TBCD: variants seen among roughly 807,000 people sequenced by gnomAD.
TBCD encodes tubulin-specific chaperone D.
In TBCD, 105 loss-of-function variants were observed where a neutral mutation model predicts 169.3. The observed-to-expected ratio is 0.62, with a 90% CI of 0.53 to 0.73. The LOEUF (loss-of-function observed/expected upper bound fraction) is 0.73, where lower values mean the gene tolerates loss of function less well. Ranked by LOEUF, TBCD falls within the 30% of genes least tolerant of loss-of-function variation. The pLI is 0.00. For missense variants in TBCD, 1,444 were observed against 1,600.1 expected (o/e 0.90, Z 1.66); for synonymous variants, 700 against 643.9 (o/e 1.09, Z -1.32).
At chr17:82,768,359 T>C (rs376930647) in intron 4 of TBCD, 61 bp from the exon 5 acceptor site, 1 of 1,600,324 alleles carries the variant, frequency 6.2e-7, no homozygotes, top group African/African-American at 1.3e-5. Context: ...TTGAGTAGAT[T>C]GTGGCCAGTG....
chr17:82,901,181 C>G (rs2059866402), intron 18 of TBCD, among the ~76,000 whole-genome samples: 1 of 152,226 alleles, frequency 6.6e-6, no homozygotes, highest in African/African-American at 2.4e-5. Context: ...GGTTTCCTTG[C>G]ATTTCATAGG....
intron 23 of TBCD, among the ~76,000 whole-genome samples, chr17:82,918,079 A>G (rs905250496): frequency 2.6e-4 from 39 of 152,308 alleles, no homozygotes; most frequent in African/African-American, 8.7e-4. Context: ...GAGATTAGTA[A>G]TAGAGCCTGG....
chr17:82,801,129 G>A (rs2050483980), intron 9 of TBCD, 133 bp downstream of exon 9: 2 of 866,116 alleles, frequency 2.3e-6, no homozygotes, highest in Non-Finnish European at 3.3e-6. Flanking sequence ...TCGCCCTGTT[G>A]CGGGGTGGGG....
rs3826308 is a variant in TBCD, at chr17:82,924,378, G to A, written c.2261-561G>A. On this transcript the variant is annotated intron_variant, in intron 26 of 38. Transcript: ENST00000355528. ...TTAGGCTGGCTTTACGCCGTGTCCC[G>A]TGCGTAGCTGCTGTGCCGCCTCACT... Among the ~76,000 whole-genome samples the A allele has an allele frequency of 3.9e-5, 6 of 152,266 alleles. No homozygotes were observed. The East Asian group carries it at 9.6e-4, about 24-fold the overall frequency.
At chr17:82,868,940 G>A (rs946591725) in intron 13 of TBCD, among the ~76,000 whole-genome samples, 3 of 152,254 alleles carry the variant, frequency 2.0e-5, no homozygotes, top group African/African-American at 7.2e-5. Flanking sequence ...AGACCCTGGC[G>A]TGTGCGTGGA....
intron 11 of TBCD, among the ~76,000 whole-genome samples, chr17:82,808,180 C>A (rs899057158): frequency 1.3e-5 from 2 of 152,174 alleles, no homozygotes. Flanking sequence ...ACAGGTGGAG[C>A]CCTGGCCTGG....
chr17:82,932,494 T>C (rs929769791), intron 33 of TBCD, among the ~76,000 whole-genome samples, 164 bp from the exon 34 acceptor site: 3 of 152,264 alleles, frequency 2.0e-5, no homozygotes, highest in Admixed American at 6.5e-5. Flanking sequence ...CCTTGTTTCT[T>C]CTTTCCACAG....
intron 20 of TBCD, 104 bp from the exon 21 acceptor site, chr17:82,907,657 C>T (rs1006041235): frequency 1.5e-6 from 2 of 1,292,262 alleles, no homozygotes; most frequent in Admixed American, 2.0e-5. Context: ...TCCGAGTGTA[C>T]TTGGGGTTAG....
At chr17:82,840,954 G>GTTTTTTTTTTTTTT (rs1295995328) in intron 13 of TBCD, among the ~76,000 whole-genome samples, 1 of 44,278 alleles carries the variant, frequency 2.3e-5, no homozygotes, top group Non-Finnish European at 4.6e-5. Context: ...AGACAAACTG[G>GTTTTTTTTTTTTTT]TTTTTTTTTT....
rs1243871209 is a variant in TBCD, at chr17:82,911,811, G to A, written c.2038+22G>A. 3 of 1,613,280 alleles carry A rather than the reference G, an allele frequency of 1.9e-6. No individual in the cohort carries two copies. In the South Asian group the frequency reaches 3.3e-5, roughly 18 times the overall value. On this transcript the variant is annotated intron_variant, in intron 23 of 38. Coordinates refer to ENST00000355528, the MANE Select transcript of TBCD (RefSeq NM_005993.5). Reference sequence around the variant, plus strand: ...GCAGGTAAGTCTGAAGGCCTTTGCAGCCCTCTGCAGCCCTTTGCCGCAGCC... The same window carrying A: ...GCAGGTAAGTCTGAAGGCCTTTGCAACCCTCTGCAGCCCTTTGCCGCAGCC...
intron 13 of TBCD, among the ~76,000 whole-genome samples, chr17:82,825,657 G>T (rs1328421679): frequency 6.6e-6 from 1 of 152,072 alleles, no homozygotes. Context: ...GACAAACTCT[G>T]TATCCCTCTT....
At chr17:82,937,195 T>C (rs1176161547) in intron 34 of TBCD, 76 bp from the exon 35 acceptor site, 17 of 1,406,116 alleles carry the variant, frequency 1.2e-5, no homozygotes, top group Non-Finnish European at 1.0e-5. Context: ...GAGTTGACCT[T>C]CTTTGAGACA....
At chr17:82,861,606 T>C (rs1474492364) in intron 13 of TBCD, among the ~76,000 whole-genome samples, 8 of 152,256 alleles carry the variant, frequency 5.3e-5, no homozygotes, top group South Asian at 2.1e-4. Flanking sequence ...CTGTCAGCCC[T>C]GTCCATTGGA....
rs2051071415 is a variant in TBCD at position 82,807,657 on chromosome 17, T to A, written c.1137T>A (p.Ser379=). 1 of 1,547,072 alleles carries A rather than the reference T, an allele frequency of 6.5e-7. No individual in the cohort carries two copies. Among genetic ancestry groups the A allele is most frequent in the Non-Finnish European group, 8.7e-7 (1 of 1,144,926 alleles). ...LKDKDTVVRW[S]AAKGIGRMAG... is the part of the protein sequence containing the mutation. The stretch of plus-strand genomic sequence containing the variant: ...ACAAGGACACGGTCGTGCGGTGGTC[T>A]GCAGCCAAGGGGTAGGTGTCTGTGG... Residue 379 remains serine (S), a synonymous_variant, in exon 11 of 39, where the codon TCT becomes TCA. Coordinates refer to ENST00000355528, the MANE Select transcript of TBCD (RefSeq NM_005993.5).
chr17:82,852,782 C>T (rs951770893), intron 13 of TBCD, among the ~76,000 whole-genome samples: 10 of 152,188 alleles, frequency 6.6e-5, no homozygotes, highest in Admixed American at 4.6e-4. Context: ...AGTTGGTAGA[C>T]GTTTGGGTTG....
intron 17 of TBCD, among the ~76,000 whole-genome samples, chr17:82,898,889 G>A (rs934106400): frequency 8.3e-6 from 1 of 119,988 alleles, no homozygotes; most frequent in Non-Finnish European, 1.9e-5. Context: ...TTGTGGAGGG[G>A]CTGACAGTGT....
chr17:82,790,001 G>A (rs899742365), intron 7 of TBCD, among the ~76,000 whole-genome samples: 1 of 150,400 alleles, frequency 6.6e-6, no homozygotes, highest in Non-Finnish European at 1.5e-5. Context: ...CTGTGTGGAC[G>A]TGGCTCTGAC....
Position 82,814,949 on chromosome 17 carries a change from C to T in TBCD, c.1318+15C>T. The T allele has an allele frequency of 6.2e-7, 1 of 1,603,306 alleles. No homozygotes were observed. The highest frequency in any genetic ancestry group is 8.5e-7 in the Non-Finnish European group (1 of 1,176,266). On this transcript the variant is annotated intron_variant, in intron 13 of 38. Transcript: ENST00000355528. Reference sequence around the variant, plus strand: ...ACTCGTGGATGGTGAGTAGCTGAGGCACGGTCAGGGGGGATGTCTGGCGCT... The same window carrying T: ...ACTCGTGGATGGTGAGTAGCTGAGGTACGGTCAGGGGGGATGTCTGGCGCT...
chr17:82,942,643 G>T lies in TBCD; in HGVS notation c.*180G>T, dbSNP rs1220474574. 4.2e-6 allele frequency: 3 copies of T among 712,806 alleles called. No individual in the cohort carries two copies. Among genetic ancestry groups the T allele is most frequent in the Non-Finnish European group, 7.2e-6 (3 of 418,534 alleles). 44.2% of individuals were successfully genotyped at this position (712,806 alleles called of 1,614,324 possible). On this transcript the variant is annotated 3_prime_UTR_variant, in exon 39 of 39. Transcript: ENST00000355528. ...CTGCACCTGCGCTCTGGTGACTTGGGGTGGACGCCTCTGCCTTCACTTGAA... is the reference window on the plus strand; with the variant it reads ...CTGCACCTGCGCTCTGGTGACTTGGTGTGGACGCCTCTGCCTTCACTTGAA...
Sources: gnomAD v4.1 joint callset for allele counts (sites outside exome capture counted in the v4.1 genomes callset) on GRCh38, gnomAD v4.1.1 for gene constraint, MANE v1.5 for transcripts, NCBI Gene and HGNC (gene_info 2026-07-23, HGNC 2026-07-21) for gene names.